Variants in ZNF384 observed in about 807,000 individuals in gnomAD.
The protein encoded by ZNF384 is CAG repeat protein 1.
ZNF384 carries 20 observed loss-of-function variants against 65.0 expected under a neutral mutation model. The ratio of observed to expected loss-of-function variants is 0.31; its 90% CI spans 0.22 to 0.45. The LOEUF (loss-of-function observed/expected upper bound fraction) is 0.45, where lower values mean the gene tolerates loss of function less well. Among genes scored for constraint, ZNF384 ranks in the 20% least tolerant of loss-of-function variants. The pLI is 1.00. For missense variants in ZNF384, 549 were observed against 769.4 expected (o/e 0.71, Z 3.39); for synonymous variants, 310 against 303.9 (o/e 1.02, Z -0.21).
At chr12:6,670,912 C>T (rs573288191) in intron 9 of ZNF384, 74 bp from the exon 10 acceptor site, 1 of 1,357,300 alleles carries the variant, frequency 7.4e-7, no homozygotes, top group Non-Finnish European at 1.0e-6. Context: ...AAATCTTCTC[C>T]AGGCCCATCC....
chr12:6,679,852 G>A (rs987925034), intron 2 of ZNF384, among the ~76,000 whole-genome samples: 1 of 152,216 alleles, frequency 6.6e-6, no homozygotes, highest in African/African-American at 2.4e-5. Context: ...GCTCACGAGA[G>A]GGGAGATGAT....
In ZNF384 at chr12:6,667,059, ACTT is replaced by A. The variant is rs1397272332; in HGVS notation, c.*652_*654del. ...GGAAATCCGTAAAACCATAACACAC[ACTT>A]CTAAGCCACCTGTGACCAACTTGGG... On this transcript the variant is annotated 3_prime_UTR_variant, in exon 12 of 12. Coordinates refer to ENST00000683879, the MANE Select transcript of ZNF384 (RefSeq NM_001385745.1). The A allele has an allele frequency of 4.4e-6, 1 of 228,188 alleles. No homozygotes were observed. Among genetic ancestry groups the A allele is most frequent in the Non-Finnish European group, 8.7e-6 (1 of 114,694 alleles). The allele number at this position is 228,188 out of a possible 1,614,324, so 14.1% of individuals were successfully genotyped here. A position where few individuals can be genotyped will look rare whatever the true frequency, so the allele number is the denominator to read the frequency against.
intron 2 of ZNF384, among the ~76,000 whole-genome samples, chr12:6,682,464 A>G (rs893146363): frequency 3.3e-5 from 5 of 152,218 alleles, no homozygotes; most frequent in Non-Finnish European, 7.3e-5. Flanking sequence ...CATAGGCAAC[A>G]TGGTGAAACC....
chr12:6,675,183 A>G (rs1255673860), intron 7 of ZNF384, among the ~76,000 whole-genome samples: 2 of 152,246 alleles, frequency 1.3e-5, no homozygotes, highest in Non-Finnish European at 2.9e-5. Context: ...CAAGGGAATG[A>G]GCAATCTCAG....
At chr12:6,677,328 A>G in intron 6 of ZNF384, 69 bp from the exon 7 acceptor site, 1 of 1,251,060 alleles carries the variant, frequency 8.0e-7, no homozygotes, top group Non-Finnish European at 1.0e-6. Context: ...ACTCCCAGCC[A>G]TGCACATCTG....
In ZNF384 at chr12:6,667,672, G is replaced by C. The variant is rs764948095; in HGVS notation, c.*42C>G. 1 of 1,612,530 alleles carries C rather than the reference G, an allele frequency of 6.2e-7. No individual in the cohort carries two copies. Among genetic ancestry groups the C allele is most frequent in the East Asian group, 2.2e-5 (1 of 44,880 alleles). ...CAAGAGTTGGAGAAAGAAGACACCA[G>C]GACTACTTCTTCCTCTTCCCAGTGG... On this transcript the variant is annotated 3_prime_UTR_variant, in exon 12 of 12. Coordinates refer to ENST00000683879, the MANE Select transcript of ZNF384 (RefSeq NM_001385745.1).
At chr12:6,687,631 C>T (rs1250839617) in intron 2 of ZNF384, among the ~76,000 whole-genome samples, 1 of 152,156 alleles carries the variant, frequency 6.6e-6, no homozygotes, top group East Asian at 1.9e-4. Flanking sequence ...TCCAGACTAA[C>T]CATGAAGCAG....
In ZNF384 at chr12:6,673,009, C is replaced by G; in HGVS notation, c.1004+207G>C. On this transcript the variant is annotated intron_variant, in intron 8 of 11. Coordinates refer to ENST00000683879, the MANE Select transcript of ZNF384 (RefSeq NM_001385745.1). This position sits in a 1 kb window ranked among gnomAD's most constrained non-coding sequence, Gnocchi z 4.7. Reference sequence around the variant, plus strand: ...ACAGAGAGAAACCACAAAAATTGTTCCAGACTTTGGAATTGGAGACCACAA... The same window carrying G: ...ACAGAGAGAAACCACAAAAATTGTTGCAGACTTTGGAATTGGAGACCACAA... The G allele has an allele frequency of 1.7e-6, 1 of 581,060 alleles. No individual in the cohort carries two copies. Among genetic ancestry groups the G allele is most frequent in the Non-Finnish European group, 3.1e-6 (1 of 326,796 alleles). 36.0% of individuals were successfully genotyped at this position (581,060 alleles called of 1,614,324 possible). A position where few individuals can be genotyped will look rare whatever the true frequency, so the allele number is the denominator to read the frequency against.
At chr12:6,681,659 G>A (rs1592407170) in intron 2 of ZNF384, among the ~76,000 whole-genome samples, 1 of 152,124 alleles carries the variant, frequency 6.6e-6, no homozygotes, top group South Asian at 2.1e-4. Context: ...AGGAAACAGG[G>A]AAGGATCTTC....
intron 2 of ZNF384, among the ~76,000 whole-genome samples, chr12:6,683,661 CAAAAAAAAAAA>C (rs550687196): frequency 1.5e-4 from 10 of 66,702 alleles, no homozygotes; most frequent in South Asian, 6.0e-4. Context: ...GACCCTGTCT[CAAAAAAAAAAA>C]AAAAAAAAAA....
rs777601739 is a variant in ZNF384 at position 6,668,109 on chromosome 12, A to G, written c.1432T>C (p.Tyr478His). ...TGTTTGCGCATATGTTTCATAAGGTATGTTTCCTGAGGGAGATGGTAAAAA... is the reference window on the plus strand; with the variant it reads ...TGTTTGCGCATATGTTTCATAAGGTGTGTTTCCTGAGGGAGATGGTAAAAA... ...ICSRAYTSET[Y>H]LMKHMRKHNP... The change falls in exon 12 of 12, where the codon TAC becomes CAC. Residue 478 changes from tyrosine (Y) to histidine (H), a missense_variant. By Grantham distance (83) the Tyr-to-His change is moderately conservative. Coordinates refer to ENST00000683879, the MANE Select transcript of ZNF384 (RefSeq NM_001385745.1). 1 of 1,583,358 alleles carries G rather than the reference A, an allele frequency of 6.3e-7. No individual in the cohort carries two copies. The highest frequency in any genetic ancestry group is 8.6e-7 in the Non-Finnish European group (1 of 1,163,232).
rs994115841 is a variant in ZNF384, at chr12:6,678,113, G to A, written c.686+14C>T. 1.9e-5 allele frequency: 31 copies of A among 1,600,890 alleles called. No homozygotes were observed. Among genetic ancestry groups the A allele is most frequent in the Admixed American group, 1.0e-4 (6 of 59,588 alleles). On this transcript the variant is annotated intron_variant, in intron 6 of 11. Coordinates refer to ENST00000683879, the MANE Select transcript of ZNF384 (RefSeq NM_001385745.1). This position sits in a 1 kb window ranked among gnomAD's most constrained non-coding sequence, Gnocchi z 4.9. Reference sequence around the variant, plus strand: ...GGATCCTCGCCCCATCCTGCCCCTGGCTCTGAGTCTTACCTGTAGGTCTTG... The same window carrying A: ...GGATCCTCGCCCCATCCTGCCCCTGACTCTGAGTCTTACCTGTAGGTCTTG...
chr12:6,671,069 A>G (rs1951307770), intron 9 of ZNF384, among the ~76,000 whole-genome samples: 1 of 152,176 alleles, frequency 6.6e-6, no homozygotes, highest in Non-Finnish European at 1.5e-5. Context: ...GGGAGGAGAG[A>G]CTGAGGACTT....
chr12:6,684,768 T>C (rs1237126824), intron 2 of ZNF384, among the ~76,000 whole-genome samples: 1 of 152,214 alleles, frequency 6.6e-6, no homozygotes, highest in Non-Finnish European at 1.5e-5. Flanking sequence ...TTCATCTTTG[T>C]ACTCCTGAAA....
At position 6,667,405 on chromosome 12, in the gene ZNF384, G is replaced by T; in HGVS notation, c.*309C>A. The T allele has an allele frequency of 2.0e-6, 1 of 510,370 alleles. No individual in the cohort carries two copies. The allele number at this position is 510,370 out of a possible 1,614,324, so 31.6% of individuals were successfully genotyped here. ...TAGGGTAAGTGGCCACACTGGACAAGGTTCTATGAGGTCATAGCAAATCCT... is the reference window on the plus strand; with the variant it reads ...TAGGGTAAGTGGCCACACTGGACAATGTTCTATGAGGTCATAGCAAATCCT... On this transcript the variant is annotated 3_prime_UTR_variant, in exon 12 of 12. Transcript: ENST00000683879.
At chr12:6,679,682 T>C (rs1314065134) in intron 2 of ZNF384, among the ~76,000 whole-genome samples, 157 bp from the exon 3 acceptor site, 3 of 152,228 alleles carry the variant, frequency 2.0e-5, no homozygotes, top group African/African-American at 7.2e-5. Context: ...CATTAGTCCC[T>C]TGGTCAGAGC....
intron 2 of ZNF384, among the ~76,000 whole-genome samples, chr12:6,683,308 A>G (rs894594818): frequency 2.1e-4 from 32 of 151,926 alleles, no homozygotes; most frequent in African/African-American, 7.5e-4. Context: ...ATAAAATAAA[A>G]TAAAAAAGAT....
intron 2 of ZNF384, among the ~76,000 whole-genome samples, chr12:6,683,415 T>C (rs1956792033): frequency 6.6e-6 from 1 of 151,984 alleles, no homozygotes; most frequent in Non-Finnish European, 1.5e-5. Flanking sequence ...TGGTGGCTCA[T>C]GCCTGTAATC....
chr12:6,688,441 G>A lies in ZNF384; in HGVS notation c.-65-215C>T, dbSNP rs566684011. ...AAATCCAATTCCCAGAAACTAAGAC[G>A]AATTCTATCACCAGCGTTTGGGTTT... On this transcript the variant is annotated intron_variant, in intron 1 of 11. Transcript: ENST00000683879. 2.0e-5 allele frequency: 3 copies of A among 152,402 alleles called. No homozygotes were observed. In the East Asian group the frequency reaches 5.8e-4, roughly 29 times the overall value. 9.4% of individuals were successfully genotyped at this position (152,402 alleles called of 1,614,324 possible).
Sources: gnomAD v4.1 joint callset for allele counts (sites outside exome capture counted in the v4.1 genomes callset) on GRCh38, gnomAD v4.1.1 for gene constraint, Gnocchi (gnomAD v3.1) non-coding constraint, MANE v1.5 for transcripts, NCBI Gene and HGNC (gene_info 2026-07-23, HGNC 2026-07-21) for gene names.